MBD5: variants seen among roughly 807,000 people sequenced by gnomAD.
The protein encoded by MBD5 is methyl-CpG-binding domain protein 5.
MBD5 carries 13 observed loss-of-function variants against 117.3 expected under a neutral mutation model. That is an observed-to-expected ratio of 0.11 (90% CI 0.07 to 0.18). The LOEUF (loss-of-function observed/expected upper bound fraction) is 0.18, where lower values mean the gene tolerates loss of function less well. Ranked by LOEUF, MBD5 falls within the 10% of genes least tolerant of loss-of-function variation. The pLI is 1.00. For missense variants in MBD5, 1,879 were observed against 2,093.8 expected (o/e 0.90, Z 2.00); for synonymous variants, 727 against 766.4 (o/e 0.95, Z 0.85).
At chr2:148,079,784 G>C (rs1695599147) in intron 1 of MBD5, among the ~76,000 whole-genome samples, 1 of 151,898 alleles carries the variant, frequency 6.6e-6, no homozygotes, top group Admixed American at 6.6e-5. Context: ...TTAACCCCGG[G>C]AGGCGGAGGT....
intron 4 of MBD5, among the ~76,000 whole-genome samples, chr2:148,424,797 C>T (rs1042115130): frequency 2.6e-5 from 4 of 152,008 alleles, no homozygotes; most frequent in African/African-American, 9.7e-5. Flanking sequence ...GGATAAATAA[C>T]GAAATTAAGG....
At chr2:148,390,913 C>T (rs183624429) in intron 4 of MBD5, among the ~76,000 whole-genome samples, 3 of 152,284 alleles carry the variant, frequency 2.0e-5, no homozygotes, top group Admixed American at 2.0e-4. Flanking sequence ...ATCCTATGCA[C>T]GTCCTTTTTG....
At chr2:148,060,491 C>T (rs1695007137) in intron 1 of MBD5, among the ~76,000 whole-genome samples, 1 of 152,096 alleles carries the variant, frequency 6.6e-6, no homozygotes, top group African/African-American at 2.4e-5. Context: ...TTGCATGTTG[C>T]ATACACTGTA....
intron 3 of MBD5, among the ~76,000 whole-genome samples, chr2:148,338,238 T>G (rs1702846929): frequency 6.6e-6 from 1 of 152,200 alleles, no homozygotes; most frequent in African/African-American, 2.4e-5. Flanking sequence ...TATTTAAAAT[T>G]TCCCAGTTGT....
intron 2 of MBD5, among the ~76,000 whole-genome samples, chr2:148,229,902 G>GTC (rs1366381819): frequency 5.3e-5 from 8 of 151,890 alleles, no homozygotes; most frequent in African/African-American, 9.6e-5. Context: ...CTCTGTCTCT[G>GTC]TCTCTCTCTC....
At chr2:148,372,742 C>T (rs1240562521) in intron 4 of MBD5, among the ~76,000 whole-genome samples, 2 of 151,774 alleles carry the variant, frequency 1.3e-5, no homozygotes, top group Non-Finnish European at 2.9e-5. Context: ...AAAGAGAATG[C>T]GAGTGTAAGT....
chr2:148,268,963 A>C (rs1279054197), intron 3 of MBD5, among the ~76,000 whole-genome samples: 1 of 151,996 alleles, frequency 6.6e-6, no homozygotes, highest in Non-Finnish European at 1.5e-5. Flanking sequence ...ATAGACACTC[A>C]GTAAATATTA....
chr2:148,050,478 A>G (rs1377788995), intron 1 of MBD5, among the ~76,000 whole-genome samples: 3 of 152,076 alleles, frequency 2.0e-5, no homozygotes, highest in African/African-American at 7.2e-5. Flanking sequence ...GACCCTTATC[A>G]TATATGATTG....
intron 1 of MBD5, among the ~76,000 whole-genome samples, chr2:148,068,225 T>C (rs1399513589): frequency 6.6e-6 from 1 of 152,104 alleles, no homozygotes; most frequent in African/African-American, 2.4e-5. Context: ...AGCTCCTAGA[T>C]AGCTATGTGA....
At chr2:148,137,201 T>G (rs1160011973) in intron 1 of MBD5, among the ~76,000 whole-genome samples, 1 of 152,200 alleles carries the variant, frequency 6.6e-6, no homozygotes. Flanking sequence ...ATTTTCTCAC[T>G]TAACACACAG....
chr2:148,099,508 A>G (rs1574012206), intron 1 of MBD5, among the ~76,000 whole-genome samples: 1 of 152,160 alleles, frequency 6.6e-6, no homozygotes, highest in Non-Finnish European at 1.5e-5. Context: ...GCAGCTCTGG[A>G]AAAGTTCGGC....
Position 148,469,831 on chromosome 2 carries a change from A to C in MBD5, c.1888A>C (p.Met630Leu). Residue 630 changes from methionine to leucine, a missense_variant, in exon 8 of 14, where the codon ATG (methionine) becomes CTG (leucine). By Grantham distance (15) the Met-to-Leu change is conservative. Transcript: ENST00000642680. ...CACCATGTTCCCTCCTACTGCCAAC[A>C]TGCTTCTCCCAACAGGTGAAGGGCA... ...LNTMFPPTAN[M>L]LLPTGEGQSG... The C allele has an allele frequency of 6.2e-7, 1 of 1,613,952 alleles. No individual in the cohort carries two copies. The highest frequency in any genetic ancestry group is 8.5e-7 in the Non-Finnish European group (1 of 1,179,884).
intron 1 of MBD5, among the ~76,000 whole-genome samples, chr2:148,089,243 C>T (rs1018509563): frequency 2.0e-5 from 3 of 151,846 alleles, no homozygotes; most frequent in African/African-American, 7.3e-5. Context: ...TAAACAGCAA[C>T]ACAATAATAG....
At chr2:148,065,748 T>A (rs568487448) in intron 1 of MBD5, among the ~76,000 whole-genome samples, 1 of 152,324 alleles carries the variant, frequency 6.6e-6, no homozygotes, top group East Asian at 1.9e-4. Context: ...CTGTGAATTA[T>A]AGACTTTTCA....
intron 4 of MBD5, among the ~76,000 whole-genome samples, chr2:148,348,113 C>A (rs1200858647): frequency 3.3e-5 from 5 of 151,946 alleles, no homozygotes; most frequent in African/African-American, 1.2e-4. Context: ...ACACTATATC[C>A]CCAGCACAAA....
chr2:148,259,798 C>G (rs1050833913), intron 3 of MBD5, among the ~76,000 whole-genome samples: 1 of 152,182 alleles, frequency 6.6e-6, no homozygotes. Flanking sequence ...GAGCTGTGCA[C>G]CTGCACCACA....
chr2:148,322,969 A>G (rs1702325619), intron 3 of MBD5, among the ~76,000 whole-genome samples: 1 of 148,754 alleles, frequency 6.7e-6, no homozygotes, highest in South Asian at 2.2e-4. Context: ...AGCATTAGGT[A>G]TATCTCCCAA....
intron 4 of MBD5, chr2:148,393,249 G>A (rs1297677390): frequency 6.6e-6 from 1 of 152,094 alleles, no homozygotes; most frequent in Non-Finnish European, 1.5e-5. Flanking sequence ...CTATGGGAAG[G>A]TATTTCCATG....
chr2:148,385,302 T>C lies in MBD5; in HGVS notation c.-557+42966T>C, dbSNP rs1183203221. On this transcript the variant is annotated intron_variant, in intron 4 of 13. Coordinates refer to ENST00000642680, the MANE Select transcript of MBD5 (RefSeq NM_001378120.1). ...ACCCCATCAAAAAGTGGGCAAAGGATATGAACAGACATTTCTCAAAAGAAG... is the reference window on the plus strand; with the variant it reads ...ACCCCATCAAAAAGTGGGCAAAGGACATGAACAGACATTTCTCAAAAGAAG... Among the ~76,000 whole-genome samples, 8 of 152,236 alleles carry C rather than the reference T, an allele frequency of 5.3e-5. No homozygotes were observed. In the South Asian group the frequency reaches 1.5e-3, roughly 28 times the overall value.
Sources: allele counts gnomAD v4.1 joint callset (sites outside exome capture counted in the v4.1 genomes callset), GRCh38; gene constraint gnomAD v4.1.1; transcripts MANE v1.5; gene names NCBI Gene and HGNC (gene_info 2026-07-23, HGNC 2026-07-21).